Variants in FOXP2 observed in about 807,000 individuals in gnomAD.
FOXP2 encodes forkhead box protein P2.
Under a neutral mutation model 115.8 loss-of-function variants are expected in FOXP2, and 12 were observed. The observed-to-expected ratio is 0.10, with a 90% CI of 0.07 to 0.17. The LOEUF is 0.17. Ranked by LOEUF, FOXP2 falls within the 10% of genes least tolerant of loss-of-function variation. FOXP2 has a pLI of 1.00. For missense variants in FOXP2, 629 were observed against 843.5 expected (o/e 0.75, Z 3.15); for synonymous variants, 328 against 297.7 (o/e 1.10, Z -1.05).
intron 16 of FOXP2, among the ~76,000 whole-genome samples, chr7:114,685,720 A>G (rs1808323919): frequency 6.6e-6 from 1 of 152,216 alleles, no homozygotes; most frequent in Non-Finnish European, 1.5e-5. Flanking sequence ...GAACAGTTCC[A>G]GAAATTGTCA....
At chr7:114,415,740 C>T (rs1457778694) in intron 1 of FOXP2, among the ~76,000 whole-genome samples, 4 of 151,802 alleles carry the variant, frequency 2.6e-5, no homozygotes, top group African/African-American at 4.8e-5. Context: ...TGTGTCAGGG[C>T]GCAAGTTTTT....
chr7:114,138,485 G>A (rs902194819), intron 1 of FOXP2, among the ~76,000 whole-genome samples: 8 of 149,280 alleles, frequency 5.4e-5, no homozygotes, highest in African/African-American at 1.7e-4. Flanking sequence ...TCTGCCTCCC[G>A]GGTTCACATG....
At chr7:114,133,204 G>C (rs747722950) in intron 1 of FOXP2, among the ~76,000 whole-genome samples, 2 of 152,132 alleles carry the variant, frequency 1.3e-5, no homozygotes, top group Non-Finnish European at 2.9e-5. Flanking sequence ...GGAGGACTTA[G>C]GGGTTTTGAA....
At chr7:114,471,025 T>A (rs1204358398) in intron 2 of FOXP2, among the ~76,000 whole-genome samples, 1 of 152,184 alleles carries the variant, frequency 6.6e-6, no homozygotes. Flanking sequence ...GTACATACCC[T>A]GTCTGTATTA....
chr7:114,677,122 C>T (rs560961049), intron 16 of FOXP2, among the ~76,000 whole-genome samples: 20 of 150,194 alleles, frequency 1.3e-4, no homozygotes, highest in Middle Eastern at 3.4e-3. Context: ...GCCAAGATCA[C>T]GCCACTGCAC....
At chr7:114,636,444 C>A (rs1563050325) in intron 6 of FOXP2, among the ~76,000 whole-genome samples, 1 of 151,910 alleles carries the variant, frequency 6.6e-6, no homozygotes, top group Non-Finnish European at 1.5e-5. Flanking sequence ...AATGTTTCTA[C>A]CAAAACTCAC....
intron 3 of FOXP2, among the ~76,000 whole-genome samples, chr7:114,544,371 C>G (rs1799819708): frequency 6.6e-6 from 1 of 151,084 alleles, no homozygotes; most frequent in South Asian, 2.1e-4. Flanking sequence ...TGAATCACAT[C>G]AAGCTGTGGC....
intron 3 of FOXP2, among the ~76,000 whole-genome samples, chr7:114,624,794 T>C (rs1804449494): frequency 6.6e-6 from 1 of 151,626 alleles, no homozygotes. Flanking sequence ...TTACATATGA[T>C]TTTAGGATGA....
At chr7:114,441,350 G>A (rs1366178080) in intron 2 of FOXP2, among the ~76,000 whole-genome samples, 1 of 152,044 alleles carries the variant, frequency 6.6e-6, no homozygotes, top group Non-Finnish European at 1.5e-5. Flanking sequence ...TACTTGGGGA[G>A]GCTGAGGCAG....
chr7:114,246,488 A>C (rs1235172408), intron 1 of FOXP2, among the ~76,000 whole-genome samples: 1 of 152,146 alleles, frequency 6.6e-6, no homozygotes, highest in Non-Finnish European at 1.5e-5. Flanking sequence ...TTGTCCAGAC[A>C]CTTTACAGGG....
rs142581681 is a variant in FOXP2 at position 114,436,749 on chromosome 7, T to A, written c.168+10070T>A. Among the ~76,000 whole-genome samples, 603 of 151,998 alleles carry A rather than the reference T, an allele frequency of 4.0e-3. 3 individuals carry two copies. Among genetic ancestry groups the A allele is most frequent in the South Asian group, 0.018 (88 of 4,812 alleles). ...CTTCAAAGGATATATAAACGTTACT[T>A]TGAGAGATACAACAGAGGAAGAGTG... On this transcript the variant is annotated intron_variant, in intron 2 of 16. Coordinates refer to ENST00000350908, the MANE Select transcript of FOXP2 (RefSeq NM_014491.4).
At chr7:114,087,442 G>A (rs759322818), upstream of FOXP2, among the ~76,000 whole-genome samples, 23 of 144,174 alleles carry the variant, frequency 1.6e-4, no homozygotes, top group Non-Finnish European at 3.5e-4. Flanking sequence ...GGGTGGGTTT[G>A]GGGTGAAATC....
At chr7:114,439,953 C>T (rs946176499) in intron 2 of FOXP2, among the ~76,000 whole-genome samples, 2 of 152,102 alleles carry the variant, frequency 1.3e-5, no homozygotes, top group African/African-American at 4.8e-5. Context: ...AAGATGGTTG[C>T]TTACATAATA....
At chr7:114,555,315 A>G (rs1800402473) in intron 3 of FOXP2, among the ~76,000 whole-genome samples, 1 of 152,130 alleles carries the variant, frequency 6.6e-6, no homozygotes, top group Non-Finnish European at 1.5e-5. Context: ...ATTCGAAACC[A>G]TGTGCCTTTT....
intron 3 of FOXP2, among the ~76,000 whole-genome samples, chr7:114,590,121 A>G (rs999438495): frequency 6.6e-6 from 1 of 152,132 alleles, no homozygotes; most frequent in Non-Finnish European, 1.5e-5. Flanking sequence ...TCCCCTACCT[A>G]ACGAGCCTAG....
chr7:114,666,434 C>T (rs1807167268), intron 16 of FOXP2: 1 of 151,918 alleles, frequency 6.6e-6, no homozygotes. Flanking sequence ...TCTATCTTCA[C>T]CTTTATAAAG....
At chr7:114,604,372 G>A (rs1451371687) in intron 3 of FOXP2, among the ~76,000 whole-genome samples, 1 of 152,140 alleles carries the variant, frequency 6.6e-6, no homozygotes, top group Non-Finnish European at 1.5e-5. Flanking sequence ...TTGTGTGGAT[G>A]TAAACATTCA....
chr7:114,692,624 G>T lies in FOXP2; in HGVS notation c.*2698G>T. 2.2e-6 allele frequency: 1 copy of T among 450,276 alleles called. No individual in the cohort carries two copies. Among genetic ancestry groups the T allele is most frequent in the South Asian group, 1.6e-5 (1 of 63,328 alleles). The allele number at this position is 450,276 out of a possible 1,614,324, so 27.9% of individuals were successfully genotyped here. ...TCTGCATCTGCTTTGCGTAGCTATT[G>T]TAAGGCTTTGAACTAATGTATGTAT... is the stretch of plus-strand genomic sequence containing the variant. On this transcript the variant is annotated 3_prime_UTR_variant, in exon 17 of 17. Transcript: ENST00000350908.
intron 2 of FOXP2, among the ~76,000 whole-genome samples, chr7:114,525,218 T>C (rs1169440500): frequency 6.6e-6 from 1 of 152,212 alleles, no homozygotes; most frequent in Non-Finnish European, 1.5e-5. Context: ...CCAAGCATCA[T>C]ATACCTAGAA....
Sources: allele counts gnomAD v4.1 joint callset (sites outside exome capture counted in the v4.1 genomes callset), GRCh38; gene constraint gnomAD v4.1.1; transcripts MANE v1.5; gene names NCBI Gene and HGNC (gene_info 2026-07-23, HGNC 2026-07-21).